The following TMEM135 variants were observed in gnomAD, a reference collection of about 807,000 sequenced individuals.
The protein encoded by TMEM135 is transmembrane protein 135.
A neutral mutation model predicts 60.3 loss-of-function variants in TMEM135; 30 were observed. That is an observed-to-expected ratio of 0.50 (90% CI 0.37 to 0.68). The LOEUF is 0.68. TMEM135 is among the 30% of genes least tolerant of loss of function. The pLI, the probability that TMEM135 is intolerant of heterozygous loss-of-function variation, is 0.00. For synonymous variants in TMEM135, 190 were observed against 186.7 expected, an observed-to-expected ratio of 1.02 and a Z score of -0.14; for missense variants, 468 against 548.8, an observed-to-expected ratio of 0.85 and a Z score of 1.47.
chr11:87,087,335 T>G (rs1017805100), intron 3 of TMEM135, among the ~76,000 whole-genome samples: 6 of 152,032 alleles, frequency 3.9e-5, no homozygotes, highest in Non-Finnish European at 8.8e-5. Context: ...CCCCATTTAT[T>G]CTCACCACTT....
chr11:87,311,566 G>C (rs1942641699), intron 10 of TMEM135, among the ~76,000 whole-genome samples: 1 of 151,948 alleles, frequency 6.6e-6, no homozygotes, highest in African/African-American at 2.4e-5. Context: ...GCTTATCTCA[G>C]AGTGTGTTTT....
intron 4 of TMEM135, among the ~76,000 whole-genome samples, chr11:87,133,392 T>C (rs1309443917): frequency 6.6e-6 from 1 of 152,134 alleles, no homozygotes; most frequent in Non-Finnish European, 1.5e-5. Context: ...CCTTGGTAAG[T>C]CCTCCCCACC....
chr11:87,321,132 C>T, intron 14 of TMEM135, 69 bp from the exon 15 acceptor site: 1 of 1,395,496 alleles, frequency 7.2e-7, no homozygotes. Context: ...TAAGATAAGT[C>T]AACTAAAATG....
At chr11:87,316,264 ATATG>A (rs752433706) in intron 12 of TMEM135, among the ~76,000 whole-genome samples, 1 of 149,922 alleles carries the variant, frequency 6.7e-6, no homozygotes, top group African/African-American at 2.5e-5. Context: ...TTACCCAAAT[ATATG>A]TGTGTGTGTG....
At chr11:87,050,366 A>G (rs1323350168) in intron 1 of TMEM135, among the ~76,000 whole-genome samples, 3 of 55,162 alleles carry the variant, frequency 5.4e-5, no homozygotes, top group Non-Finnish European at 2.9e-5. Flanking sequence ...CAAAAAATCA[A>G]TGAATCCAGG....
At chr11:87,316,285 T>A (rs11235095) in intron 12 of TMEM135, among the ~76,000 whole-genome samples, 20,925 of 149,224 alleles carry the variant, frequency 0.14, 1,452 homozygotes, top group South Asian at 0.16. Context: ...TGTGTGTGTG[T>A]GAGAGAGAGA....
intron 6 of TMEM135, among the ~76,000 whole-genome samples, chr11:87,244,687 A>G (rs201159446): frequency 0.47 from 32,757 of 69,942 alleles, 9,204 homozygotes; most frequent in Middle Eastern, 0.57. Flanking sequence ...CTGTGGGATC[A>G]GTGGTGATAT....
At chr11:87,110,523 C>G (rs910298230) in intron 4 of TMEM135, among the ~76,000 whole-genome samples, 5 of 151,660 alleles carry the variant, frequency 3.3e-5, no homozygotes, top group African/African-American at 7.3e-5. Context: ...AACTGCAAAT[C>G]TAAATTTTCT....
intron 3 of TMEM135, among the ~76,000 whole-genome samples, chr11:87,078,834 C>A (rs1048677751): frequency 2.0e-5 from 3 of 151,584 alleles, no homozygotes; most frequent in Admixed American, 1.3e-4. Context: ...GTTGTCCAGG[C>A]TGGTCTCGAG....
intron 4 of TMEM135, among the ~76,000 whole-genome samples, chr11:87,111,514 G>A (rs372776832): frequency 1.5e-4 from 23 of 151,942 alleles, no homozygotes; most frequent in African/African-American, 4.6e-4. Flanking sequence ...AGCCAGGCGT[G>A]GTGGTGGGCG....
Position 87,064,658 on chromosome 11 carries a change from G to A in TMEM135, c.142-3036G>A, listed in dbSNP as rs979480960. Among the ~76,000 whole-genome samples the A allele has an allele frequency of 6.6e-5, 10 of 152,154 alleles. No individual in the cohort carries two copies. The South Asian group carries it at 8.3e-4, about 13-fold the overall frequency. On this transcript the variant is annotated intron_variant, in intron 1 of 14. Transcript: ENST00000305494. ...AGCACTTTGGGAGGCCGAGGTGGGC[G>A]GATCGCCTGAGATCAGGAGTTCGAG...
At chr11:87,218,945 G>C (rs566881614) in intron 5 of TMEM135, among the ~76,000 whole-genome samples, 2 of 152,174 alleles carry the variant, frequency 1.3e-5, no homozygotes, top group Admixed American at 6.5e-5. Context: ...CTGGGTGACA[G>C]AGTGAGACTC....
At chr11:87,119,247 ATTG>A (rs1466323541) in intron 4 of TMEM135, among the ~76,000 whole-genome samples, 2 of 152,186 alleles carry the variant, frequency 1.3e-5, no homozygotes, top group Non-Finnish European at 2.9e-5. Context: ...TAATTTCAAT[ATTG>A]TTGTGTCTCA....
chr11:87,177,184 C>T (rs1939393508), intron 5 of TMEM135, among the ~76,000 whole-genome samples: 1 of 152,118 alleles, frequency 6.6e-6, no homozygotes, highest in African/African-American at 2.4e-5. Context: ...CTCGCCCTTT[C>T]ATTTTAAAAT....
chr11:87,131,259 G>A (rs35036190), intron 4 of TMEM135, among the ~76,000 whole-genome samples: 19,521 of 152,054 alleles, frequency 0.13, 1,330 homozygotes, highest in Middle Eastern at 0.15. Context: ...TTTGTGTTGT[G>A]TAGTTCTATG....
intron 6 of TMEM135, among the ~76,000 whole-genome samples, chr11:87,286,035 C>G (rs1210547787): frequency 1.3e-5 from 2 of 151,910 alleles, no homozygotes; most frequent in African/African-American, 4.8e-5. Flanking sequence ...GGTGCATTTA[C>G]AAACCTTGAG....
At chr11:87,224,057 T>C (rs1383559910) in intron 5 of TMEM135, among the ~76,000 whole-genome samples, 1 of 152,190 alleles carries the variant, frequency 6.6e-6, no homozygotes, top group African/African-American at 2.4e-5. Context: ...CCCAGGGAAC[T>C]GGTAGATGGC....
chr11:87,162,275 G>T (rs1352113428), intron 5 of TMEM135, among the ~76,000 whole-genome samples: 1 of 151,846 alleles, frequency 6.6e-6, no homozygotes, highest in Middle Eastern at 3.2e-3. Context: ...AGAACGTGCA[G>T]GTTTGTTGCA....
intron 14 of TMEM135, among the ~76,000 whole-genome samples, chr11:87,320,307 C>G (rs1475204383): frequency 6.6e-6 from 1 of 152,146 alleles, no homozygotes; most frequent in Non-Finnish European, 1.5e-5. Context: ...GAACATAAAC[C>G]AGGCAGTCTG....
Sources: gnomAD v4.1 joint callset for allele counts (sites outside exome capture counted in the v4.1 genomes callset) on GRCh38, gnomAD v4.1.1 for gene constraint, MANE v1.5 for transcripts, NCBI Gene and HGNC (gene_info 2026-07-23, HGNC 2026-07-21) for gene names.